The following GUCY1A2 variants were observed in gnomAD, a reference collection of about 807,000 sequenced individuals.
The protein encoded by GUCY1A2 is guanylate cyclase 1 soluble subunit alpha 2, also known as guanylate cyclase soluble subunit alpha-2.
GUCY1A2 carries 27 observed loss-of-function variants against 63.5 expected under a neutral mutation model. The ratio of observed to expected loss-of-function variants is 0.43; its 90% CI spans 0.31 to 0.59. The LOEUF (loss-of-function observed/expected upper bound fraction) is 0.59. Ranked by LOEUF, GUCY1A2 falls within the 20% of genes least tolerant of loss-of-function variation. GUCY1A2 has a pLI of 0.11. For synonymous variants in GUCY1A2, 364 were observed against 343.5 expected (o/e 1.06, Z -0.66); for missense variants, 768 against 913.3 (o/e 0.84, Z 2.05).
chr11:106,978,790 C>G, intron 2 of GUCY1A2, 50 bp from the exon 3 acceptor site: 6 of 1,396,078 alleles, frequency 4.3e-6, no homozygotes, highest in Non-Finnish European at 6.0e-6. Flanking sequence ...AAAGCATCTG[C>G]GAATGCAACT....
intron 3 of GUCY1A2, among the ~76,000 whole-genome samples, chr11:106,973,413 A>G (rs545598756): frequency 6.6e-6 from 1 of 152,146 alleles, no homozygotes; most frequent in Non-Finnish European, 1.5e-5. Context: ...AATCTAAAGA[A>G]CAATCCTAGT....
intron 7 of GUCY1A2, among the ~76,000 whole-genome samples, chr11:106,706,241 G>A (rs550703528): frequency 1.3e-5 from 2 of 152,134 alleles, no homozygotes; most frequent in Non-Finnish European, 2.9e-5. Context: ...GTAATTCAGG[G>A]ATAAAATAGA....
At chr11:106,692,265 T>C (rs1448846237) in intron 7 of GUCY1A2, among the ~76,000 whole-genome samples, 1 of 152,172 alleles carries the variant, frequency 6.6e-6, no homozygotes, top group African/African-American at 2.4e-5. Flanking sequence ...TTACACACTC[T>C]GGGAGTTTTG....
chr11:106,765,464 G>A (rs1041274171), intron 6 of GUCY1A2, among the ~76,000 whole-genome samples: 4 of 152,112 alleles, frequency 2.6e-5, no homozygotes, highest in African/African-American at 4.8e-5. Flanking sequence ...GATCAGGGAT[G>A]TACCTGGTTT....
intron 4 of GUCY1A2, among the ~76,000 whole-genome samples, chr11:106,848,255 G>A (rs1859304042): frequency 1.3e-5 from 2 of 151,670 alleles, no homozygotes; most frequent in Admixed American, 1.3e-4. Flanking sequence ...CAAAAGCCAT[G>A]AGCAGAAAAT....
chr11:106,907,386 A>T (rs189302233), intron 4 of GUCY1A2, among the ~76,000 whole-genome samples: 69 of 151,398 alleles, frequency 4.6e-4, no homozygotes, highest in Admixed American at 1.8e-3. Context: ...TATGGCTGAG[A>T]CACAGCAATT....
intron 4 of GUCY1A2, chr11:106,826,372 T>A: frequency 6.6e-7 from 1 of 1,524,676 alleles, no homozygotes; most frequent in Admixed American, 1.8e-5. Context: ...CTTTATATGA[T>A]TCTTGAAGAA....
intron 4 of GUCY1A2, among the ~76,000 whole-genome samples, chr11:106,923,977 A>C (rs2119914168): frequency 6.6e-6 from 1 of 152,338 alleles, no homozygotes; most frequent in African/African-American, 2.4e-5. Flanking sequence ...CAAAATTATA[A>C]GAATAAAATA....
intron 6 of GUCY1A2, among the ~76,000 whole-genome samples, chr11:106,731,873 A>G (rs1049737588): frequency 6.6e-6 from 1 of 152,146 alleles, no homozygotes; most frequent in Non-Finnish European, 1.5e-5. Flanking sequence ...TGAGATTTAC[A>G]AAACACTGCT....
chr11:106,735,351 A>G (rs1418299147), intron 6 of GUCY1A2, among the ~76,000 whole-genome samples: 2 of 151,994 alleles, frequency 1.3e-5, no homozygotes, highest in East Asian at 1.9e-4. Context: ...CATGAGTTCA[A>G]CTGTTTTAAT....
rs536245119 is a variant in GUCY1A2, at chr11:106,983,377, C to A, written c.365+2693G>T. 3.5e-4 allele frequency among the ~76,000 whole-genome samples: 54 copies of A among 152,280 alleles called. 1 individual carries two copies. In the South Asian group the frequency reaches 7.7e-3, roughly 22 times the overall value. On this transcript the variant is annotated intron_variant, in intron 2 of 7. Transcript: ENST00000526355. ...ATAAAGTGGATAAAGTACAGAGAGG[C>A]TATCTTACTCCCTAACAGGAAGCCC...
chr11:106,909,475 C>G (rs970910332), intron 4 of GUCY1A2, among the ~76,000 whole-genome samples: 1 of 150,642 alleles, frequency 6.6e-6, no homozygotes, highest in Non-Finnish European at 1.5e-5. Context: ...GTTCCCTTAC[C>G]AAAGAGTCCT....
At chr11:106,798,299 G>C (rs1864805247) in intron 5 of GUCY1A2, among the ~76,000 whole-genome samples, 1 of 152,072 alleles carries the variant, frequency 6.6e-6, no homozygotes, top group Admixed American at 6.6e-5. Context: ...AAAAGTCCAG[G>C]ACCAGACGGA....
chr11:107,016,262 C>T (rs1861822288), intron 1 of GUCY1A2, among the ~76,000 whole-genome samples: 1 of 152,204 alleles, frequency 6.6e-6, no homozygotes, highest in African/African-American at 2.4e-5. Context: ...TAGGGGTGGG[C>T]AGGTGAAAGT....
At chr11:106,771,613 G>A (rs2135398998) in intron 6 of GUCY1A2, among the ~76,000 whole-genome samples, 1 of 152,144 alleles carries the variant, frequency 6.6e-6, no homozygotes, top group East Asian at 1.9e-4. Flanking sequence ...ATAGTCAGGT[G>A]TGGTTCCACA....
intron 4 of GUCY1A2, among the ~76,000 whole-genome samples, chr11:106,851,549 C>T (rs868231452): frequency 1.3e-5 from 2 of 151,690 alleles, no homozygotes; most frequent in African/African-American, 4.8e-5. Context: ...GAGGAGTCTA[C>T]TTTCATTCTT....
At chr11:106,991,506 G>C (rs879041939) in intron 1 of GUCY1A2, among the ~76,000 whole-genome samples, 14 of 152,172 alleles carry the variant, frequency 9.2e-5, no homozygotes, top group African/African-American at 3.1e-4. Flanking sequence ...GGACCCAGTT[G>C]CTTCCAATGT....
At chr11:106,719,235 G>A (rs927193103) in intron 6 of GUCY1A2, among the ~76,000 whole-genome samples, 1 of 151,940 alleles carries the variant, frequency 6.6e-6, no homozygotes, top group Non-Finnish European at 1.5e-5. Context: ...AATTCACTCA[G>A]TTAATAAGGA....
intron 4 of GUCY1A2, chr11:106,827,901 TC>T: frequency 6.7e-7 from 1 of 1,491,000 alleles, no homozygotes; most frequent in Non-Finnish European, 9.3e-7. Flanking sequence ...GCTGCCGGAC[TC>T]CCAGTGGTTT....
Sources: allele counts gnomAD v4.1 joint callset (sites outside exome capture counted in the v4.1 genomes callset), GRCh38; gene constraint gnomAD v4.1.1; transcripts MANE v1.5; gene names NCBI Gene and HGNC (gene_info 2026-07-23, HGNC 2026-07-21).